Variants in FAM177B observed in about 807,000 individuals in gnomAD.
FAM177B encodes the protein family with sequence similarity 177 member B, also known as protein FAM177B.
A neutral mutation model predicts 16.1 loss-of-function variants in FAM177B; 16 were observed. The observed-to-expected ratio is 0.99, with a 90% CI of 0.67 to 1.51. FAM177B has a LOEUF of 1.51. Ranked by LOEUF, FAM177B falls within the 40% of genes most tolerant of loss-of-function variation. The pLI, the probability that FAM177B is intolerant of heterozygous loss-of-function variation, is 0.00. For synonymous variants in FAM177B, 56 were observed against 59.9 expected (o/e 0.93, Z 0.30); for missense variants, 178 against 183.7 (o/e 0.97, Z 0.18).
chr1:222,740,101 CA>C (rs1396904308), intron 2 of FAM177B, among the ~76,000 whole-genome samples: 1 of 152,188 alleles, frequency 6.6e-6, no homozygotes, highest in African/African-American at 2.4e-5. Context: ...GGTCCCCAAA[CA>C]GGGCAGATAC....
intron 2 of FAM177B, among the ~76,000 whole-genome samples, chr1:222,740,254 AAT>A (rs1192600802): frequency 1.3e-5 from 2 of 152,236 alleles, no homozygotes; most frequent in African/African-American, 2.4e-5. Context: ...TGCATATATG[AAT>A]ATATATGTGT....
chr1:222,740,736 G>T (rs1456849593), intron 2 of FAM177B, among the ~76,000 whole-genome samples: 1 of 152,142 alleles, frequency 6.6e-6, no homozygotes, highest in Admixed American at 6.5e-5. Context: ...GTCTCGCTCT[G>T]TCACCCAGGC....
intron 2 of FAM177B, among the ~76,000 whole-genome samples, chr1:222,738,564 C>CAAAAAAAAAAAAAAA (rs71175182): frequency 4.9e-5 from 3 of 61,846 alleles, no homozygotes; most frequent in African/African-American, 1.4e-4. Flanking sequence ...ACAAAAACTG[C>CAAAAAAAAAAAAAAA]AAAAAAAAAA....
intron 2 of FAM177B, among the ~76,000 whole-genome samples, chr1:222,745,733 C>A (rs912570398): frequency 1.3e-5 from 2 of 152,182 alleles, no homozygotes; most frequent in African/African-American, 4.8e-5. Context: ...ACCAGCCTGA[C>A]CAACATGGTG....
chr1:222,737,861 G>A (rs1208670447), intron 1 of FAM177B, 43 bp from the exon 2 acceptor site: 1 of 152,164 alleles, frequency 6.6e-6, no homozygotes, highest in Non-Finnish European at 1.5e-5. Context: ...GTGGAGTAAT[G>A]AAAAGTATGA....
chr1:222,748,440 T>A (rs974794715), intron 4 of FAM177B, among the ~76,000 whole-genome samples: 1 of 152,146 alleles, frequency 6.6e-6, no homozygotes, highest in Non-Finnish European at 1.5e-5. Context: ...CCTAGCTTCC[T>A]TGTGAGTGCC....
intron 2 of FAM177B, among the ~76,000 whole-genome samples, chr1:222,738,682 AAAATT>A (rs1310664742): frequency 2.0e-5 from 3 of 152,184 alleles, no homozygotes; most frequent in Admixed American, 1.3e-4. Context: ...AAAGAAAAAA[AAAATT>A]AAACCAAAGC....
intron 2 of FAM177B, among the ~76,000 whole-genome samples, chr1:222,744,174 A>G (rs1658679294): frequency 6.6e-6 from 1 of 152,176 alleles, no homozygotes; most frequent in East Asian, 1.9e-4. Context: ...TTAAATCTTA[A>G]TTAAAACAAT....
chr1:222,743,231 T>C (rs1572006703), intron 2 of FAM177B, among the ~76,000 whole-genome samples: 2 of 152,270 alleles, frequency 1.3e-5, no homozygotes, highest in East Asian at 3.9e-4. Context: ...CACTGCAACC[T>C]CCACCTCCTG....
chr1:222,745,261 T>TA (rs1343171362), intron 2 of FAM177B, among the ~76,000 whole-genome samples: 7 of 152,200 alleles, frequency 4.6e-5, no homozygotes, highest in African/African-American at 1.7e-4. Flanking sequence ...TAGGGAGACA[T>TA]ACGCTTTCAT....
intron 2 of FAM177B, among the ~76,000 whole-genome samples, chr1:222,744,165 T>TA (rs1215605991): frequency 6.6e-6 from 1 of 152,182 alleles, no homozygotes; most frequent in Non-Finnish European, 1.5e-5. Context: ...TAAAGTATCT[T>TA]AAATCTTAAT....
chr1:222,741,827 T>C (rs529396974), intron 2 of FAM177B, among the ~76,000 whole-genome samples: 2 of 148,660 alleles, frequency 1.3e-5, no homozygotes, highest in South Asian at 2.2e-4. Context: ...TTCTTTCTTT[T>C]TTCTTTCTTT....
chr1:222,747,111 T>A (rs764372458), intron 4 of FAM177B, 30 bp downstream of exon 4: 1 of 1,461,684 alleles, frequency 6.8e-7, no homozygotes, highest in Admixed American at 1.7e-5. Context: ...TTTTTTTCTA[T>A]CCTAAACAAA....
rs1485482858 is a variant in FAM177B at position 222,738,599 on chromosome 1, G to A, written c.-16+578G>A. ...AAAAAAAAGGCTGGGCGTGTGGCAC[G>A]TGCCTGTGGGAGGTCGAGGTTGCAC... On this transcript the variant is annotated intron_variant, in intron 2 of 5. Transcript: ENST00000445590. Among the ~76,000 whole-genome samples, 6 of 147,540 alleles carry A rather than the reference G, an allele frequency of 4.1e-5. No individual in the cohort carries two copies. The East Asian group carries it at 8.0e-4, about 20-fold the overall frequency.
Position 222,746,688 on chromosome 1 carries a change from A to C in FAM177B, c.143A>C (p.Glu48Ala). The C allele has an allele frequency of 6.2e-7, 1 of 1,613,540 alleles. No individual in the cohort carries two copies. Among genetic ancestry groups the C allele is most frequent in the Non-Finnish European group, 8.5e-7 (1 of 1,179,624 alleles). ...GAGGAGGAGGAGGAAGAGGAAAAGG[A>C]GGAGCAGAGCACAAATTCAACACTT... is the stretch of plus-strand genomic sequence containing the variant. ...STEEEEEEEK[E>A]EQSTNSTLDP... Residue 48 changes from glutamate to alanine, a missense_variant, in exon 3 of 6, where the codon GAG becomes GCG. Glu to Ala is a moderately radical substitution (Grantham distance 107). Transcript: ENST00000445590.
rs767238669 is a variant in FAM177B at position 222,749,988 on chromosome 1, G to A, written c.407G>A (p.Cys136Tyr). The part of the protein sequence containing the change: ...AQAAEVPNEK[C>Y]HLEAGVQEYG... ...GCAGCTGAGGTTCCTAATGAAAAGT[G>A]TCACTTGGAGGCTGGGGTCCAAGAG... Residue 136 changes from cysteine (C) to tyrosine (Y), a missense_variant, in exon 6 of 6, where the codon TGT becomes TAT. Physicochemically the swap from Cys to Tyr is radical, Grantham distance 194 (BLOSUM62 -2). Coordinates refer to ENST00000445590, the MANE Select transcript of FAM177B (RefSeq NM_001394345.1). 11 of 1,613,944 alleles carry A rather than the reference G, an allele frequency of 6.8e-6. No individual in the cohort carries two copies. The highest frequency in any genetic ancestry group is 8.5e-6 in the Non-Finnish European group (10 of 1,179,936).
rs1658817039 is a variant in FAM177B at position 222,746,729 on chromosome 1, G to GTATA, written c.174+12_174+15dup. 3 of 1,597,478 alleles carry GTATA rather than the reference G, an allele frequency of 1.9e-6. No homozygotes were observed. The highest frequency in any genetic ancestry group is 2.7e-5 in the African/African-American group (2 of 74,292). On this transcript the variant is annotated intron_variant, in intron 3 of 5. Transcript: ENST00000445590. The stretch of plus-strand genomic sequence containing the variant: ...TTCAACACTTGACCCTGTAAGCTTA[G>GTATA]TATATCAATATTAGGGAACATGGTG...
At chr1:222,748,236 G>C (rs559535732) in intron 4 of FAM177B, among the ~76,000 whole-genome samples, 1 of 152,252 alleles carries the variant, frequency 6.6e-6, no homozygotes, top group Non-Finnish European at 1.5e-5. Flanking sequence ...AAAAAATGCT[G>C]TCTTCCAGAA....
chr1:222,746,611 T>G lies in FAM177B; in HGVS notation c.66T>G (p.Pro22=). The G allele has an allele frequency of 1.2e-6, 2 of 1,612,076 alleles. No homozygotes were observed. Reference sequence around the variant, plus strand: ...GTGTACCTTCCAAAAAGACTACTCCTAAAAGGATTATCCATTTTGTTGACG... The same window carrying G: ...GTGTACCTTCCAAAAAGACTACTCCGAAAAGGATTATCCATTTTGTTGACG... ...EKSVPSKKTT[P]KRIIHFVDGD... The change falls in exon 3 of 6, where the codon CCT becomes CCG. Residue 22 remains proline, a synonymous_variant. Coordinates refer to ENST00000445590, the MANE Select transcript of FAM177B (RefSeq NM_001394345.1).
Sources: gnomAD v4.1 joint callset for allele counts (sites outside exome capture counted in the v4.1 genomes callset) on GRCh38, gnomAD v4.1.1 for gene constraint, MANE v1.5 for transcripts, NCBI Gene and HGNC (gene_info 2026-07-23, HGNC 2026-07-21) for gene names.